LRMDA: variants seen among roughly 807,000 people sequenced by gnomAD.
The protein encoded by LRMDA is leucine-rich melanocyte differentiation-associated protein.
A neutral mutation model predicts 29.8 loss-of-function variants in LRMDA; 18 were observed. The ratio of observed to expected loss-of-function variants is 0.60; its 90% CI spans 0.42 to 0.90. The LOEUF (loss-of-function observed/expected upper bound fraction) is 0.90, where lower values mean the gene tolerates loss of function less well. Among genes scored for constraint, LRMDA ranks in the 40% least tolerant of loss-of-function variants. The probability of loss-of-function intolerance (pLI) is 0.00; values close to 1 mark genes in which losing one functional copy is unlikely to be tolerated. For synonymous variants in LRMDA, 125 were observed against 109.4 expected (o/e 1.14, Z -0.89); for missense variants, 273 against 273.9 (o/e 1.00, Z 0.02).
intron 2 of LRMDA, among the ~76,000 whole-genome samples, chr10:75,760,890 T>C (rs748879996): frequency 1.1e-4 from 17 of 152,194 alleles, no homozygotes; most frequent in African/African-American, 1.7e-4. Flanking sequence ...TTGAGTCACA[T>C]TGTGAGCTGT....
intron 5 of LRMDA, among the ~76,000 whole-genome samples, chr10:76,214,344 TTTTTTTTTTTTA>T (rs1354367433): frequency 1.5e-5 from 2 of 131,170 alleles, no homozygotes; most frequent in Non-Finnish European, 3.2e-5. Context: ...TTTTTTTTTT[TTTTTTTTTTTTA>T]TGAGACGGAG....
chr10:76,446,303 A>G (rs1842353623), intron 6 of LRMDA, among the ~76,000 whole-genome samples: 1 of 152,104 alleles, frequency 6.6e-6, no homozygotes, highest in Non-Finnish European at 1.5e-5. Context: ...TCATTTCCAA[A>G]TTTTTGCTAT....
At chr10:75,905,038 T>C (rs1245879012) in intron 2 of LRMDA, among the ~76,000 whole-genome samples, 1 of 152,132 alleles carries the variant, frequency 6.6e-6, no homozygotes, top group Non-Finnish European at 1.5e-5. Flanking sequence ...GCAGCGTGCA[T>C]CCAGTGTAAT....
intron 2 of LRMDA, among the ~76,000 whole-genome samples, chr10:75,781,304 G>A (rs2132242930): frequency 1.3e-5 from 2 of 152,174 alleles, no homozygotes; most frequent in African/African-American, 4.8e-5. Context: ...ATACATTTTT[G>A]TTATAGAAGA....
intron 5 of LRMDA, among the ~76,000 whole-genome samples, chr10:76,064,421 C>T (rs1848751485): frequency 6.6e-6 from 1 of 152,146 alleles, no homozygotes; most frequent in Non-Finnish European, 1.5e-5. Context: ...GTAAGTAGCT[C>T]TTCTCATGAA....
intron 5 of LRMDA, among the ~76,000 whole-genome samples, chr10:76,137,282 A>T (rs1850112427): frequency 6.6e-6 from 1 of 152,186 alleles, no homozygotes; most frequent in Non-Finnish European, 1.5e-5. Flanking sequence ...GTCTCTAGCT[A>T]TAATCGGCTC....
intron 5 of LRMDA, among the ~76,000 whole-genome samples, chr10:76,141,228 T>G (rs1404213200): frequency 1.3e-5 from 2 of 152,148 alleles, no homozygotes; most frequent in Non-Finnish European, 2.9e-5. Context: ...TGTTCTTCTC[T>G]GTTAATCTGT....
intron 2 of LRMDA, among the ~76,000 whole-genome samples, chr10:75,694,997 G>A (rs1338328391): frequency 6.6e-6 from 1 of 152,166 alleles, no homozygotes; most frequent in East Asian, 1.9e-4. Context: ...TCTGCATCCT[G>A]GGTGTGAGTT....
rs377018947 is a variant in LRMDA, at chr10:75,559,753, C to A, written c.131+121259C>A. Among the ~76,000 whole-genome samples the A allele has an allele frequency of 1.3e-3, 171 of 135,880 alleles. 2 individuals are homozygous for A. The highest frequency in any genetic ancestry group is 9.7e-3 in the East Asian group (42 of 4,348). 89.1% of individuals were successfully genotyped at this position (135,880 alleles called of 152,430 possible). A position where few individuals can be genotyped will look rare whatever the true frequency, so the allele number is the denominator to read the frequency against. ...TCCAGTTTCAGCTTTCTATATATGG[C>A]TAGCCAGTTTTCCCAGCACCATTTA... On this transcript the variant is annotated intron_variant, in intron 2 of 6. Transcript: ENST00000611255.
chr10:76,537,041 C>T (rs1241973752), intron 6 of LRMDA, among the ~76,000 whole-genome samples: 2 of 152,198 alleles, frequency 1.3e-5, no homozygotes, highest in Admixed American at 6.5e-5. Context: ...ATGATGGACT[C>T]ATACTTATTA....
At chr10:76,006,018 C>T (rs1289047336) in intron 2 of LRMDA, among the ~76,000 whole-genome samples, 1 of 152,112 alleles carries the variant, frequency 6.6e-6, no homozygotes, top group Non-Finnish European at 1.5e-5. Context: ...GAGAACCCCT[C>T]TAATGCAGGG....
At chr10:76,078,440 G>T (rs1179558330) in intron 5 of LRMDA, among the ~76,000 whole-genome samples, 1 of 152,140 alleles carries the variant, frequency 6.6e-6, no homozygotes, top group Non-Finnish European at 1.5e-5. Context: ...TTACTGGAAG[G>T]AGGAGAACCA....
chr10:76,131,532 G>C (rs1849992231), intron 5 of LRMDA, among the ~76,000 whole-genome samples: 1 of 152,142 alleles, frequency 6.6e-6, no homozygotes, highest in Non-Finnish European at 1.5e-5. Flanking sequence ...GATCTTTGAT[G>C]CATATTGCAA....
intron 5 of LRMDA, among the ~76,000 whole-genome samples, chr10:76,145,555 A>G (rs28858453): frequency 2.7e-5 from 3 of 112,918 alleles, no homozygotes; most frequent in African/African-American, 1.0e-4. Flanking sequence ...GTCATTTTTT[A>G]TTGCGTCTAT....
chr10:75,828,640 C>G (rs1844286038), intron 2 of LRMDA, among the ~76,000 whole-genome samples: 1 of 152,172 alleles, frequency 6.6e-6, no homozygotes, highest in Non-Finnish European at 1.5e-5. Context: ...GTTTTGTCAA[C>G]CTGACCTTCT....
intron 5 of LRMDA, among the ~76,000 whole-genome samples, chr10:76,134,529 C>T (rs915341050): frequency 2.6e-5 from 4 of 152,168 alleles, no homozygotes; most frequent in Admixed American, 1.3e-4. Flanking sequence ...GATGACCTAA[C>T]AATCATTTCT....
chr10:76,412,570 A>G (rs1841973616), intron 6 of LRMDA, among the ~76,000 whole-genome samples: 1 of 152,158 alleles, frequency 6.6e-6, no homozygotes, highest in East Asian at 1.9e-4. Context: ...ATGATGGTGT[A>G]TGACTCTAGG....
intron 2 of LRMDA, among the ~76,000 whole-genome samples, chr10:75,693,256 T>C (rs1032830043): frequency 2.0e-5 from 3 of 152,152 alleles, no homozygotes; most frequent in Non-Finnish European, 4.4e-5. Context: ...GTACCACAAA[T>C]AAATTATCTC....
chr10:76,047,235 G>A lies in LRMDA; in HGVS notation c.330G>A (p.Leu110=), dbSNP rs767824306. 9 of 1,614,068 alleles carry A rather than the reference G, an allele frequency of 5.6e-6. No individual in the cohort carries two copies. Among genetic ancestry groups the A allele is most frequent in the South Asian group, 2.2e-5 (2 of 91,058 alleles). Residue 110 remains leucine, a synonymous_variant, in exon 4 of 7, where the codon CTG becomes CTA. Coordinates refer to ENST00000611255, the MANE Select transcript of LRMDA (RefSeq NM_001305581.2). ...VTPALEYLSL[L]GNVACPNELV... ...CAGCTCTGGAGTACCTCAGTCTGCTGGGCAACGTGGCCTGTCCCAACGAGC... is the reference window on the plus strand; with the variant it reads ...CAGCTCTGGAGTACCTCAGTCTGCTAGGCAACGTGGCCTGTCCCAACGAGC...
Sources: gnomAD v4.1 joint callset for allele counts (sites outside exome capture counted in the v4.1 genomes callset) on GRCh38, gnomAD v4.1.1 for gene constraint, MANE v1.5 for transcripts, NCBI Gene and HGNC (gene_info 2026-07-23, HGNC 2026-07-21) for gene names.